Variants in NDUFA8 observed in about 807,000 individuals in gnomAD.
The protein encoded by NDUFA8 is NADH dehydrogenase [ubiquinone] 1 alpha subcomplex subunit 8.
A neutral mutation model predicts 20.9 loss-of-function variants in NDUFA8; 16 were observed. That is an observed-to-expected ratio of 0.77 (90% CI 0.52 to 1.16). The LOEUF (loss-of-function observed/expected upper bound fraction) is 1.16. NDUFA8 is among the 50% of genes most tolerant of loss of function. The probability of loss-of-function intolerance (pLI) is 0.00; values close to 1 mark genes in which losing one functional copy is unlikely to be tolerated. For missense variants in NDUFA8, 202 were observed against 216.4 expected (o/e 0.93, Z 0.42); for synonymous variants, 70 against 76.1 (o/e 0.92, Z 0.41).
At chr9:122,146,084 T>A (rs1413040579) in intron 3 of NDUFA8, among the ~76,000 whole-genome samples, 1 of 152,168 alleles carries the variant, frequency 6.6e-6, no homozygotes, top group Non-Finnish European at 1.5e-5. Flanking sequence ...AGGCACTGGT[T>A]GCAGTGAGCA....
At chr9:122,146,274 A>C (rs964839769) in intron 3 of NDUFA8, among the ~76,000 whole-genome samples, 1 of 152,196 alleles carries the variant, frequency 6.6e-6, no homozygotes, top group Non-Finnish European at 1.5e-5. Context: ...CGAGAAATAC[A>C]CTTTTGAAAA....
intron 2 of NDUFA8, among the ~76,000 whole-genome samples, 157 bp downstream of exon 2, chr9:122,152,088 A>C (rs1829007599): frequency 6.6e-6 from 1 of 152,232 alleles, no homozygotes; most frequent in Non-Finnish European, 1.5e-5. Flanking sequence ...ATAAAAACAA[A>C]ACCAAAAATA....
At chr9:122,156,225 G>A (rs866893834) in intron 1 of NDUFA8, among the ~76,000 whole-genome samples, 26 of 152,162 alleles carry the variant, frequency 1.7e-4, no homozygotes, top group African/African-American at 5.3e-4. Context: ...AAACAACACA[G>A]AATTTCAACA....
At position 122,159,732 on chromosome 9, in the gene NDUFA8, C is replaced by G. The variant is rs1452883614; in HGVS notation, c.-55G>C. ...GCCCTCAGCCGCGTCGCCCCCGTCT[C>G]CTTGAACTCCCCTTTCGACCGCCGA... On this transcript the variant is annotated 5_prime_UTR_variant, in exon 1 of 4. Transcript: ENST00000373768. 3 of 1,612,572 alleles carry G rather than the reference C, an allele frequency of 1.9e-6. No individual in the cohort carries two copies. The highest frequency in any genetic ancestry group is 2.2e-5 in the East Asian group (1 of 44,872).
chr9:122,147,595 A>C (rs1828922310), intron 3 of NDUFA8, among the ~76,000 whole-genome samples: 1 of 150,020 alleles, frequency 6.7e-6, no homozygotes. Flanking sequence ...ACAAACCTGC[A>C]CATGCTAGAA....
chr9:122,141,727 T>C (rs907050353), downstream of NDUFA8, among the ~76,000 whole-genome samples: 2 of 152,234 alleles, frequency 1.3e-5, no homozygotes, highest in East Asian at 3.8e-4. Flanking sequence ...TTTCCAATTG[T>C]TCTGTGACCT....
At chr9:122,152,654 C>T (rs1829022514) in intron 1 of NDUFA8, among the ~76,000 whole-genome samples, 1 of 151,612 alleles carries the variant, frequency 6.6e-6, no homozygotes, top group Non-Finnish European at 1.5e-5. Flanking sequence ...CTCCGAGGCT[C>T]AAGCGATTCT....
Position 122,150,410 on chromosome 9 carries a change from CAAAAAAAA to C in NDUFA8, c.215+1827_215+1834del, listed in dbSNP as rs60728190. ...TGGGCGACAGAGTGACACCCCATCA[CAAAAAAAA>C]AAAAAAAAAAAAAAAAAAAGCAATA... On this transcript the variant is annotated intron_variant, in intron 2 of 3. Coordinates refer to ENST00000373768, the MANE Select transcript of NDUFA8 (RefSeq NM_014222.3). Among the ~76,000 whole-genome samples the C allele has an allele frequency of 4.3e-3, 85 of 19,652 alleles. 1 individual carries two copies. Among genetic ancestry groups the C allele is most frequent in the African/African-American group, 8.3e-3 (78 of 9,436 alleles). The allele number at this position is 19,652 out of a possible 152,430, so 12.9% of individuals were successfully genotyped here. A position where few individuals can be genotyped will look rare whatever the true frequency, so the allele number is the denominator to read the frequency against.
chr9:122,148,313 CAAAACAATGA>C, intron 2 of NDUFA8, 36 bp from the exon 3 acceptor site: 1 of 1,611,158 alleles, frequency 6.2e-7, no homozygotes, highest in Non-Finnish European at 8.5e-7. Flanking sequence ...CATCTCTTTG[CAAAACAATGA>C]AAAACAGAAA....
the NDUFA8 span, among the ~76,000 whole-genome samples, chr9:122,137,492 T>C: frequency 5.3e-5 from 8 of 151,826 alleles, no homozygotes; most frequent in Admixed American, 2.0e-4. Flanking sequence ...CCACCTGCCC[T>C]GGCCTCCCAA....
At chr9:122,153,340 CAGA>C (rs1829032848) in intron 1 of NDUFA8, among the ~76,000 whole-genome samples, 1 of 144,768 alleles carries the variant, frequency 6.9e-6, no homozygotes, top group African/African-American at 2.6e-5. Flanking sequence ...TACGGAGTCA[CAGA>C]AGATGAGGCT....
At chr9:122,144,443 A>G in intron 3 of NDUFA8, 65 bp from the exon 4 acceptor site, 2 of 1,499,456 alleles carry the variant, frequency 1.3e-6, no homozygotes, top group South Asian at 1.1e-5. Context: ...GTAACCATCA[A>G]TGCGCCTCCT....
the NDUFA8 span, chr9:122,132,950 T>C: frequency 4.4e-6 from 2 of 455,892 alleles, no homozygotes; most frequent in African/African-American, 2.0e-5. Context: ...TCTCCATCTC[T>C]CTCCAGTCCT....
At chr9:122,151,304 G>C (rs1828993335) in intron 2 of NDUFA8, among the ~76,000 whole-genome samples, 1 of 152,150 alleles carries the variant, frequency 6.6e-6, no homozygotes, top group African/African-American at 2.4e-5. Context: ...AATGTGGTTT[G>C]GATGAAGCTA....
intron 3 of NDUFA8, among the ~76,000 whole-genome samples, chr9:122,144,914 C>T (rs1431132912): frequency 6.6e-6 from 1 of 152,114 alleles, no homozygotes; most frequent in Non-Finnish European, 1.5e-5. Context: ...TCAAAGGCTG[C>T]ATGAAGAATG....
chr9:122,145,522 TAAAATGACCAG>T (rs1263717073), intron 3 of NDUFA8, among the ~76,000 whole-genome samples: 1 of 152,230 alleles, frequency 6.6e-6, no homozygotes, highest in Admixed American at 6.5e-5. Flanking sequence ...TCACCTCATG[TAAAATGACCAG>T]ATTCATCTTC....
At position 122,148,533 on chromosome 9, in the gene NDUFA8, C is replaced by T. The variant is rs113521534; in HGVS notation, c.216-256G>A. On this transcript the variant is annotated intron_variant, in intron 2 of 3. Transcript: ENST00000373768. ...AGAAAAGAGTGTAGCCTAATGCACG[C>T]CTATTTTACTCAGAGAGGAACTCCT... 9.5e-4 allele frequency among the ~76,000 whole-genome samples: 145 copies of T among 152,118 alleles called. 2 individuals carry two copies. The highest frequency in any genetic ancestry group is 3.4e-3 in the African/African-American group (140 of 41,498).
chr9:122,152,520 C>A, intron 1 of NDUFA8, 112 bp from the exon 2 acceptor site: 5 of 962,404 alleles, frequency 5.2e-6, no homozygotes, highest in Non-Finnish European at 7.9e-6. Flanking sequence ...ACTGTTCTGA[C>A]TTTACCAAGA....
At chr9:122,149,221 G>T (rs906887082) in intron 2 of NDUFA8, among the ~76,000 whole-genome samples, 1 of 152,128 alleles carries the variant, frequency 6.6e-6, no homozygotes, top group Non-Finnish European at 1.5e-5. Flanking sequence ...CTCAGAGATG[G>T]CTTAAGGAAG....
Sources: allele counts gnomAD v4.1 joint callset (sites outside exome capture counted in the v4.1 genomes callset), GRCh38; gene constraint gnomAD v4.1.1; transcripts MANE v1.5; gene names NCBI Gene and HGNC (gene_info 2026-07-23, HGNC 2026-07-21).